TRABD2B: variants seen among roughly 807,000 people sequenced by gnomAD.
The protein encoded by TRABD2B is TraB domain containing 2B.
In TRABD2B, 14 loss-of-function variants were observed where a neutral mutation model predicts 40.1. The observed-to-expected ratio is 0.35, with a 90% CI of 0.23 to 0.55. The LOEUF (loss-of-function observed/expected upper bound fraction) is 0.55. Ranked by LOEUF, TRABD2B falls within the 20% of genes least tolerant of loss-of-function variation. The pLI is 0.90. For missense variants in TRABD2B, 541 were observed against 648.6 expected (o/e 0.83, Z 1.80); for synonymous variants, 263 against 277.0 (o/e 0.95, Z 0.50).
intron 2 of TRABD2B, among the ~76,000 whole-genome samples, chr1:47,929,879 T>C (rs1557663191): frequency 1.6e-4 from 24 of 152,126 alleles, no homozygotes. Context: ...GTCAGAAACA[T>C]CTAACTGTCT....
intron 2 of TRABD2B, among the ~76,000 whole-genome samples, chr1:47,924,815 T>G (rs1032648558): frequency 2.0e-5 from 3 of 152,158 alleles, no homozygotes; most frequent in African/African-American, 7.2e-5. Flanking sequence ...GGACCGGTGC[T>G]CCCGCTGGCC....
At chr1:47,825,432 G>A (rs538400887) in intron 2 of TRABD2B, among the ~76,000 whole-genome samples, 16 of 152,288 alleles carry the variant, frequency 1.1e-4, no homozygotes, top group Admixed American at 8.5e-4. Flanking sequence ...AACAACTCAT[G>A]AGTCTCCCAA....
chr1:47,929,865 G>C (rs968001092), intron 2 of TRABD2B, among the ~76,000 whole-genome samples: 1 of 152,158 alleles, frequency 6.6e-6, no homozygotes, highest in Non-Finnish European at 1.5e-5. Context: ...AGCCAAATGG[G>C]CCTGTCAGAA....
intron 2 of TRABD2B, among the ~76,000 whole-genome samples, chr1:47,946,523 T>C (rs1645262438): frequency 6.6e-6 from 1 of 152,228 alleles, no homozygotes; most frequent in Admixed American, 6.5e-5. Context: ...AGTCTACTGA[T>C]TTAAGAAATT....
intron 2 of TRABD2B, among the ~76,000 whole-genome samples, chr1:47,953,930 G>A (rs1431492855): frequency 6.6e-6 from 1 of 152,162 alleles, no homozygotes; most frequent in African/African-American, 2.4e-5. Flanking sequence ...CAGACAACGT[G>A]AGCTCCCTTC....
At chr1:47,823,436 C>A (rs1020622282) in intron 2 of TRABD2B, among the ~76,000 whole-genome samples, 1 of 152,264 alleles carries the variant, frequency 6.6e-6, no homozygotes, top group Non-Finnish European at 1.5e-5. Flanking sequence ...GCAAGCCCCT[C>A]CGGCCCCATC....
At chr1:47,906,197 C>T (rs181490126) in intron 2 of TRABD2B, among the ~76,000 whole-genome samples, 5 of 152,312 alleles carry the variant, frequency 3.3e-5, no homozygotes, top group African/African-American at 9.6e-5. Context: ...TTGGCTACAT[C>T]GTGTGTTGTG....
At chr1:47,906,924 C>A (rs1252380873) in intron 2 of TRABD2B, among the ~76,000 whole-genome samples, 1 of 152,258 alleles carries the variant, frequency 6.6e-6, no homozygotes, top group African/African-American at 2.4e-5. Flanking sequence ...GCAATAGGCA[C>A]AATGTTAGAA....
chr1:47,943,420 A>G (rs1026673159), intron 2 of TRABD2B, among the ~76,000 whole-genome samples: 1 of 152,358 alleles, frequency 6.6e-6, no homozygotes, highest in Admixed American at 6.5e-5. Context: ...AAAAAGCACA[A>G]ATAATCTCAA....
intron 2 of TRABD2B, among the ~76,000 whole-genome samples, chr1:47,808,650 A>AT: frequency 6.6e-6 from 1 of 152,354 alleles, no homozygotes; most frequent in African/African-American, 2.4e-5. Context: ...GATAAGGACT[A>AT]TTTCCATATG....
intron 2 of TRABD2B, among the ~76,000 whole-genome samples, chr1:47,895,487 C>T (rs1644505159): frequency 1.3e-5 from 2 of 152,300 alleles, no homozygotes; most frequent in East Asian, 1.9e-4. Flanking sequence ...TAAAGAAAGG[C>T]TCCTTGTTGA....
chr1:47,933,252 C>A (rs1414973813), intron 2 of TRABD2B, among the ~76,000 whole-genome samples: 1 of 151,850 alleles, frequency 6.6e-6, no homozygotes, highest in African/African-American at 2.4e-5. Flanking sequence ...ACTATAGGCA[C>A]CCGCCACCAC....
intron 2 of TRABD2B, among the ~76,000 whole-genome samples, chr1:47,964,955 T>A (rs1645577107): frequency 6.6e-6 from 1 of 151,882 alleles, no homozygotes; most frequent in African/African-American, 2.4e-5. Flanking sequence ...TTTACCTAAC[T>A]CTTTACAGCC....
chr1:47,823,577 G>A (rs1293363563), intron 2 of TRABD2B, among the ~76,000 whole-genome samples: 1 of 152,224 alleles, frequency 6.6e-6, no homozygotes, highest in Non-Finnish European at 1.5e-5. Flanking sequence ...GGATATGTGT[G>A]TTTGCTGGGG....
rs1646105383 is a variant in TRABD2B, at chr1:47,997,117, G to T, written c.-328C>A. The T allele has an allele frequency of 1.0e-6, 1 of 983,700 alleles. No individual in the cohort carries two copies. Among genetic ancestry groups the T allele is most frequent in the African/African-American group, 1.8e-5 (1 of 56,996 alleles). The allele number at this position is 983,700 out of a possible 1,614,324, so 60.9% of individuals were successfully genotyped here. A position where few individuals can be genotyped will look rare whatever the true frequency, so the allele number is the denominator to read the frequency against. ...GAGCTGCGTCGCGGTCCAGGGGCGC[G>T]CGGGGTTCCTGGGGCAGAACCGAGA... On this transcript the variant is annotated 5_prime_UTR_variant, in exon 1 of 7. Transcript: ENST00000606738.
intron 2 of TRABD2B, among the ~76,000 whole-genome samples, chr1:47,821,369 A>T (rs1645106662): frequency 6.6e-6 from 1 of 152,214 alleles, no homozygotes; most frequent in African/African-American, 2.4e-5. Context: ...TTCTCATCTG[A>T]AAAAATGGAT....
intron 2 of TRABD2B, among the ~76,000 whole-genome samples, chr1:47,828,115 G>C (rs763205184): frequency 1.3e-5 from 2 of 152,120 alleles, no homozygotes; most frequent in African/African-American, 4.8e-5. Flanking sequence ...ATACAAACGG[G>C]AGCATAAGGG....
In TRABD2B at chr1:47,777,926, G is replaced by A. The variant is rs570884206; in HGVS notation, c.1079+528C>T. Among the ~76,000 whole-genome samples, 857 of 152,292 alleles carry A rather than the reference G, an allele frequency of 5.6e-3. 6 individuals carry two copies. Among genetic ancestry groups the A allele is most frequent in the African/African-American group, 0.019 (805 of 41,562 alleles). On this transcript the variant is annotated intron_variant, in intron 5 of 6. Transcript: ENST00000606738. Reference sequence around the variant, plus strand: ...GGTTGGAAGACCTGGCAGGAATAGCGGATGGCCATTAGTGGCTATTTGAGC... The same window carrying A: ...GGTTGGAAGACCTGGCAGGAATAGCAGATGGCCATTAGTGGCTATTTGAGC...
rs186149575 is a variant in TRABD2B at position 47,975,582 on chromosome 1, A to G, written c.666+18452T>C. Among the ~76,000 whole-genome samples, 591 of 152,282 alleles carry G rather than the reference A, an allele frequency of 3.9e-3. 4 individuals are homozygous for G. The highest frequency in any genetic ancestry group is 0.014 in the African/African-American group (570 of 41,558). ...TTGGGGTCAATGACAAAAATAACAAATCTTGCCCTTTTTGAGGATGAATTC... is the reference window on the plus strand; with the variant it reads ...TTGGGGTCAATGACAAAAATAACAAGTCTTGCCCTTTTTGAGGATGAATTC... On this transcript the variant is annotated intron_variant, in intron 2 of 6. Coordinates refer to ENST00000606738, the MANE Select transcript of TRABD2B (RefSeq NM_001194986.2).
Sources: allele counts gnomAD v4.1 joint callset (sites outside exome capture counted in the v4.1 genomes callset), GRCh38; gene constraint gnomAD v4.1.1; transcripts MANE v1.5; gene names NCBI Gene and HGNC (gene_info 2026-07-23, HGNC 2026-07-21).